The following MLLT6 variants were observed in gnomAD, a reference collection of about 807,000 sequenced individuals.
The protein encoded by MLLT6 is MLLT6, PHD finger containing, also known as protein AF-17.
Under a neutral mutation model 103.0 loss-of-function variants are expected in MLLT6, and 22 were observed. The ratio of observed to expected loss-of-function variants is 0.21; its 90% confidence interval spans 0.15 to 0.31. MLLT6 has a LOEUF of 0.31. Ranked by LOEUF, MLLT6 falls within the 10% of genes least tolerant of loss-of-function variation. The pLI is 1.00. For synonymous variants in MLLT6, 606 were observed against 623.5 expected, an observed-to-expected ratio of 0.97 and a Z score of 0.42; for missense variants, 1,199 against 1,441.7, an observed-to-expected ratio of 0.83 and a Z score of 2.73.
chr17:38,712,940 C>A, intron 8 of MLLT6, 151 bp downstream of exon 8: 1 of 753,422 alleles, frequency 1.3e-6, no homozygotes, highest in Non-Finnish European at 2.5e-6. Context: ...ATACCCTCTA[C>A]TCCTTCTTCC....
rs1905557266 is a variant in MLLT6 at position 38,719,551 on chromosome 17, G to A, written c.1977G>A (p.Arg659=). 6.2e-7 allele frequency: 1 copy of A among 1,611,864 alleles called. No homozygotes were observed. The highest frequency in any genetic ancestry group is 2.2e-5 in the East Asian group (1 of 44,832). ...PDLEDCSFRC[R]GTSPQESLSS... is the part of the protein sequence containing the mutation. ...TGGAGGACTGCAGCTTCCGGTGTCG[G>A]GGGACCTCCCCTCAGGAGAGTCTGT... Residue 659 remains arginine (R), a synonymous_variant, in exon 13 of 20, where the codon CGG becomes CGA. Transcript: ENST00000621332.
chr17:38,727,334 C>A lies in MLLT6; in HGVS notation c.*1736C>A. The stretch of plus-strand genomic sequence containing the variant: ...GAGGGGGGTGGGAATCCTTCAAAGG[C>A]AATTTCTTAGGCACTTGCAAGGGCT... On this transcript the variant is annotated 3_prime_UTR_variant, in exon 20 of 20. Transcript: ENST00000621332. 1 of 224,728 alleles carries A rather than the reference C, an allele frequency of 4.4e-6. No homozygotes were observed. Among genetic ancestry groups the A allele is most frequent in the East Asian group, 6.2e-5 (1 of 16,010 alleles). The allele number at this position is 224,728 out of a possible 1,614,324, so 13.9% of individuals were successfully genotyped here. A position where few individuals can be genotyped will look rare whatever the true frequency, so the allele number is the denominator to read the frequency against.
rs1442042875 is a variant in MLLT6, at chr17:38,719,789, A to G, written c.2049A>G (p.Thr683=). Residue 683 remains threonine, a synonymous_variant, in exon 14 of 20, where the codon ACA becomes ACG. Coordinates refer to ENST00000621332, the MANE Select transcript of MLLT6 (RefSeq NM_005937.4). ...ISSLPALFDQ[T]ASAPCGGGQL... ...GCCTCCCCGCACTCTTCGACCAGAC[A>G]GCCTCTGCACCCTGTGGGGGCGGCC... is the stretch of plus-strand genomic sequence containing the variant. 9 of 1,613,340 alleles carry G rather than the reference A, an allele frequency of 5.6e-6. No individual in the cohort carries two copies. In the African/African-American group the frequency reaches 1.2e-4, roughly 22 times the overall value.
intron 14 of MLLT6, 48 bp downstream of exon 14, chr17:38,719,943 A>G: frequency 6.6e-7 from 1 of 1,513,058 alleles, no homozygotes; most frequent in African/African-American, 1.4e-5. Context: ...GGGCCCTAAC[A>G]GTCACCTTTC....
chr17:38,718,768 G>C (rs966565246), intron 12 of MLLT6: 1 of 152,158 alleles, frequency 6.6e-6, no homozygotes, highest in African/African-American at 2.4e-5. Flanking sequence ...GGTCACAAGC[G>C]CCCCGCCCTC....
Position 38,712,681 on chromosome 17 carries a change from C to T in MLLT6, c.721-10C>T. Reference sequence around the variant, plus strand: ...CCCAGCACAATATCTAGTCACCTCTCCCTCTCCAGAGTCGAAAGGACAAAG... The same window carrying T: ...CCCAGCACAATATCTAGTCACCTCTTCCTCTCCAGAGTCGAAAGGACAAAG... On this transcript the variant is annotated splice_polypyrimidine_tract_variant and intron_variant, in intron 7 of 19. Transcript: ENST00000621332. 11 of 1,597,048 alleles carry T rather than the reference C, an allele frequency of 6.9e-6. No individual in the cohort carries two copies. The highest frequency in any genetic ancestry group is 2.2e-5 in the East Asian group (1 of 44,812).
chr17:38,713,339 C>T (rs528496532), intron 8 of MLLT6: 13 of 387,066 alleles, frequency 3.4e-5, no homozygotes, highest in African/African-American at 2.7e-4. Flanking sequence ...AAATGGGCAA[C>T]ATCTGGCTGA....
intron 18 of MLLT6, among the ~76,000 whole-genome samples, chr17:38,723,878 G>C (rs1490882469): frequency 6.6e-6 from 1 of 151,672 alleles, no homozygotes; most frequent in East Asian, 2.0e-4. Context: ...AAGTAGCTGG[G>C]ATTACAGGTG....
rs776131332 is a variant in MLLT6 at position 38,705,791 on chromosome 17, C to G, written c.109+50C>G. 4 of 889,000 alleles carry G rather than the reference C, an allele frequency of 4.5e-6. No homozygotes were observed. In the Admixed American group the frequency reaches 1.4e-4, roughly 31 times the overall value. 55.1% of individuals were successfully genotyped at this position (889,000 alleles called of 1,614,324 possible). A position where few individuals can be genotyped will look rare whatever the true frequency, so the allele number is the denominator to read the frequency against. On this transcript the variant is annotated intron_variant, in intron 1 of 19. Coordinates refer to ENST00000621332, the MANE Select transcript of MLLT6 (RefSeq NM_005937.4). ...GGCGGGACCCCGGGGGCGGCGTGCG[C>G]GGGGCGCCCCCGGCCGCGCCCTCCG...
chr17:38,719,700 G>A lies in MLLT6; in HGVS notation c.2010-50G>A, dbSNP rs1423796397. 4 of 1,585,900 alleles carry A rather than the reference G, an allele frequency of 2.5e-6. No homozygotes were observed. In the East Asian group the frequency reaches 6.8e-5, roughly 27 times the overall value. ...TGGGGGATACGGGAGAAGGGCCAGA[G>A]GAGCCTGGAGTGGTCGGGTCGACTG... On this transcript the variant is annotated intron_variant, in intron 13 of 19. Transcript: ENST00000621332.
intron 6 of MLLT6, among the ~76,000 whole-genome samples, chr17:38,710,288 G>A (rs1170874187): frequency 6.6e-6 from 1 of 152,204 alleles, no homozygotes. Context: ...GGTCCAGGGG[G>A]AGGCTGGAAA....
Position 38,705,398 on chromosome 17 carries a change from G to T in MLLT6, c.-235G>T. 3.2e-6 allele frequency: 1 copy of T among 314,046 alleles called. No individual in the cohort carries two copies. The highest frequency in any genetic ancestry group is 5.8e-5 in the South Asian group (1 of 17,168). 19.5% of individuals were successfully genotyped at this position (314,046 alleles called of 1,614,324 possible). ...CTCATTGTTGTGGGGGGGGCCCGTC[G>T]GGGCATGAGGGCGAGAGCACGGCGG... is the stretch of plus-strand genomic sequence containing the variant. On this transcript the variant is annotated 5_prime_UTR_variant, in exon 1 of 20. Coordinates refer to ENST00000621332, the MANE Select transcript of MLLT6 (RefSeq NM_005937.4).
rs201304710 is a variant in MLLT6, at chr17:38,717,478, G to C, written c.1698G>C (p.Met566Ile). ...ACCCCATCTCCCACAGTGGCGGGAT[G>C]CTGCGGGCTGTCTGCAGCACCCCTC... ...NKDPISHSGG[M>I]LRAVCSTPLS... Residue 566 changes from methionine to isoleucine, a missense_variant, in exon 11 of 20, where the codon ATG (methionine) becomes ATC (isoleucine). By Grantham distance (10) the Met-to-Ile change is conservative. Around this residue, in one of 7 missense-constraint regions of MLLT6, gnomAD observed 1,034 missense variants for 1,091.5 expected, o/e 0.95. Transcript: ENST00000621332. The C allele has an allele frequency of 3.1e-6, 5 of 1,612,010 alleles. No individual in the cohort carries two copies. In the East Asian group the frequency reaches 1.1e-4, roughly 36 times the overall value.
chr17:38,718,440 TG>T (rs1905475350), intron 12 of MLLT6: 1 of 152,398 alleles, frequency 6.6e-6, no homozygotes, highest in Non-Finnish European at 1.5e-5. Context: ...GAGACTAGCC[TG>T]GGCAACACAG....
intron 8 of MLLT6, chr17:38,713,840 C>T (rs1905226978): frequency 6.6e-6 from 1 of 152,418 alleles, no homozygotes; most frequent in South Asian, 2.1e-4. Context: ...CTCAGAACCA[C>T]ATCTGGCTCC....
At chr17:38,720,312 G>GCCCCCCCCCCCCCCCCCCCCCCCCCCC in intron 14 of MLLT6, 60 bp from the exon 15 acceptor site, 8 of 445,626 alleles carry the variant, frequency 1.8e-5, no homozygotes, top group East Asian at 5.2e-5. Flanking sequence ...CCCGCCCCCG[G>GCCCCCCCCCCCCCCCCCCCCCCCCCCC]TCCCCTGGCC....
Position 38,724,526 on chromosome 17 carries a change from G to A in MLLT6, c.2884-94G>A. Reference sequence around the variant, plus strand: ...AGGCCTCTTGCCTCCTGATTCCAGTGTGATGGGGTGGGGCCTGGCCAGGCA... The same window carrying A: ...AGGCCTCTTGCCTCCTGATTCCAGTATGATGGGGTGGGGCCTGGCCAGGCA... On this transcript the variant is annotated intron_variant, in intron 18 of 19. Transcript: ENST00000621332. This position sits in a 1 kb window ranked among gnomAD's most constrained non-coding sequence, Gnocchi z 5.4. The A allele has an allele frequency of 3.3e-6, 3 of 914,754 alleles. No individual in the cohort carries two copies. The highest frequency in any genetic ancestry group is 5.0e-6 in the Non-Finnish European group (3 of 605,364). 56.7% of individuals were successfully genotyped at this position (914,754 alleles called of 1,614,324 possible).
chr17:38,705,943 T>G (rs1904896375), intron 1 of MLLT6: 46 of 225,648 alleles, frequency 2.0e-4, no homozygotes, highest in Middle Eastern at 1.4e-3. Flanking sequence ...ATTGTTCCAG[T>G]TCCGCGCCCC....
Position 38,711,741 on chromosome 17 carries a change from G to A in MLLT6, c.553-106G>A, listed in dbSNP as rs1353699035. The A allele has an allele frequency of 2.2e-6, 3 of 1,371,264 alleles. No individual in the cohort carries two copies. In the Admixed American group the frequency reaches 8.9e-5, roughly 41 times the overall value. The allele number at this position is 1,371,264 out of a possible 1,614,324, so 84.9% of individuals were successfully genotyped here. A position where few individuals can be genotyped will look rare whatever the true frequency, so the allele number is the denominator to read the frequency against. Reference sequence around the variant, plus strand: ...CATGAGGTCCTCTTAGTGACAGACGGGGCACATGGGGCTGACCCCCAGGAT... The same window carrying A: ...CATGAGGTCCTCTTAGTGACAGACGAGGCACATGGGGCTGACCCCCAGGAT... On this transcript the variant is annotated intron_variant, in intron 6 of 19. Transcript: ENST00000621332.
Sources: allele counts gnomAD v4.1 joint callset (sites outside exome capture counted in the v4.1 genomes callset), GRCh38; gene constraint gnomAD v4.1.1; regional missense constraint gnomAD v4.1.1; non-coding constraint Gnocchi (gnomAD v3.1); transcripts MANE v1.5; gene names NCBI Gene and HGNC (gene_info 2026-07-23, HGNC 2026-07-21).